BAIAP2: variants seen among roughly 807,000 people sequenced by gnomAD.
BAIAP2 encodes the protein BAR/IMD domain-containing adapter protein 2.
BAIAP2 carries 18 observed loss-of-function variants against 63.0 expected under a neutral mutation model. That is an observed-to-expected ratio of 0.29 (90% confidence interval 0.20 to 0.42). The LOEUF is 0.42. BAIAP2 is among the 10% of genes least tolerant of loss of function. The probability of loss-of-function intolerance (pLI) is 1.00; values close to 1 mark genes in which losing one functional copy is unlikely to be tolerated. For synonymous variants in BAIAP2, 386 were observed against 307.6 expected (o/e 1.25, Z -2.67); for missense variants, 610 against 734.3 (o/e 0.83, Z 1.96).
At chr17:81,110,761 G>A (rs564067971) in intron 13 of BAIAP2, among the ~76,000 whole-genome samples, 20 of 152,326 alleles carry the variant, frequency 1.3e-4, no homozygotes, top group African/African-American at 1.9e-4. Flanking sequence ...CGCAGGCGCC[G>A]TCCAGGGAGA....
In BAIAP2 at chr17:81,035,209, C is replaced by CT. The variant is rs776091937; in HGVS notation, c.-44dup. On this transcript the variant is annotated 5_prime_UTR_variant, in exon 1 of 14. Transcript: ENST00000428708. The stretch of plus-strand genomic sequence containing the variant: ...GCCGTTACCGCCGCTGCTGCCGCCG[C>CT]TTGCGTCCCCCGCTCCGGTCTGTGG... The CT allele has an allele frequency of 2.6e-5, 38 of 1,446,142 alleles. 1 individual carries two copies. The South Asian group carries it at 5.0e-4, about 19-fold the overall frequency. The allele number at this position is 1,446,142 out of a possible 1,614,324, so 89.6% of individuals were successfully genotyped here.
chr17:81,104,245 TGTG>T, intron 9 of BAIAP2, 137 bp downstream of exon 9: 1 of 1,001,208 alleles, frequency 1.0e-6, no homozygotes, highest in Non-Finnish European at 1.5e-6. Context: ...CCTACATGCA[TGTG>T]GTACACACAC....
At position 81,103,356 on chromosome 17, in the gene BAIAP2, G is replaced by A. The variant is rs562521807; in HGVS notation, c.643-146G>A. ...CTGTGGGTTGGGGTCAGAGGCTCACGGGTGGCCTGTCTCGCCGAGAGGTAC... is the reference window on the plus strand; with the variant it reads ...CTGTGGGTTGGGGTCAGAGGCTCACAGGTGGCCTGTCTCGCCGAGAGGTAC... On this transcript the variant is annotated intron_variant, in intron 7 of 13. Transcript: ENST00000428708. 1,413 of 739,920 alleles carry A rather than the reference G, an allele frequency of 1.9e-3. 6 individuals carry two copies. The highest frequency in any genetic ancestry group is 3.3e-3 in the South Asian group (187 of 56,138). The allele number at this position is 739,920 out of a possible 1,614,324, so 45.8% of individuals were successfully genotyped here. A position where few individuals can be genotyped will look rare whatever the true frequency, so the allele number is the denominator to read the frequency against.
chr17:81,088,042 T>C (rs1415555480), intron 6 of BAIAP2, among the ~76,000 whole-genome samples: 5 of 151,468 alleles, frequency 3.3e-5, no homozygotes, highest in Non-Finnish European at 5.9e-5. Context: ...GAGAAATAGG[T>C]ATATGTTGGT....
intron 6 of BAIAP2, among the ~76,000 whole-genome samples, chr17:81,095,031 T>C (rs1173522262): frequency 6.6e-6 from 1 of 152,274 alleles, no homozygotes; most frequent in Non-Finnish European, 1.5e-5. Context: ...AGATGTGTTC[T>C]GATCACTTTT....
intron 3 of BAIAP2, among the ~76,000 whole-genome samples, chr17:81,067,814 C>A (rs917078279): frequency 9.9e-5 from 15 of 152,238 alleles, no homozygotes; most frequent in Admixed American, 9.8e-4. Flanking sequence ...GCTGGTCTCT[C>A]CCCTGAGATG....
In BAIAP2 at chr17:81,046,556, A is replaced by G. The variant is rs1242986123; in HGVS notation, c.55-7112A>G. Among the ~76,000 whole-genome samples, 1 of 151,612 alleles carries G rather than the reference A, an allele frequency of 6.6e-6. No homozygotes were observed. The highest frequency in any genetic ancestry group is 2.4e-5 in the African/African-American group (1 of 41,220). On this transcript the variant is annotated intron_variant, in intron 1 of 13. Coordinates refer to ENST00000428708, the MANE Select transcript of BAIAP2 (RefSeq NM_001144888.2). This position sits in a 1 kb window ranked among gnomAD's most constrained non-coding sequence, Gnocchi z 4.5. ...CATCGGTGCTCCTGTGTGTGGGGTC[A>G]GCAGTGGCCCGCCCTGGAGGACGCT...
chr17:81,037,148 A>G (rs1389566488), intron 1 of BAIAP2, among the ~76,000 whole-genome samples: 4 of 152,246 alleles, frequency 2.6e-5, no homozygotes, highest in African/African-American at 9.6e-5. Context: ...CTGTGGACGC[A>G]GACCAGCTGG....
intron 6 of BAIAP2, among the ~76,000 whole-genome samples, chr17:81,092,590 G>T (rs111269920): frequency 6.6e-6 from 1 of 152,328 alleles, no homozygotes; most frequent in Non-Finnish European, 1.5e-5. Flanking sequence ...TCCATGAAAA[G>T]AAGTAATTTT....
chr17:81,102,359 G>C (rs1268749622), intron 7 of BAIAP2, among the ~76,000 whole-genome samples: 2 of 152,108 alleles, frequency 1.3e-5, no homozygotes, highest in East Asian at 3.9e-4. Context: ...GGTCCCTGCT[G>C]GCCTCTCCGC....
At chr17:81,098,246 T>C in intron 6 of BAIAP2, 1 of 1,256,026 alleles carries the variant, frequency 8.0e-7, no homozygotes, top group African/African-American at 1.5e-5. Flanking sequence ...GAGGCGCCTC[T>C]GCCCAGGATG....
At chr17:81,076,175 C>A (rs1439010010) in intron 3 of BAIAP2, 1 of 152,246 alleles carries the variant, frequency 6.6e-6, no homozygotes, top group Non-Finnish European at 1.5e-5. Context: ...CTTCCAGAAT[C>A]AATCCCTGTT....
In BAIAP2 at chr17:81,109,002, C is replaced by T. The variant is rs554536084; in HGVS notation, c.1535+493C>T. On this transcript the variant is annotated intron_variant, in intron 13 of 13. Coordinates refer to ENST00000428708, the MANE Select transcript of BAIAP2 (RefSeq NM_001144888.2). ...CACGCTGGTGTCCACAGTGTGAGGACGCTGACCCCGGGCAGCCGCTGCTCT... is the reference window on the plus strand; with the variant it reads ...CACGCTGGTGTCCACAGTGTGAGGATGCTGACCCCGGGCAGCCGCTGCTCT... The T allele has an allele frequency of 5.4e-5, 83 of 1,546,750 alleles. No homozygotes were observed. The East Asian group carries it at 7.1e-4, about 13-fold the overall frequency.
In BAIAP2 at chr17:81,099,286, T is replaced by TTAGC. The variant is rs1294142101; in HGVS notation, c.490-641_490-638dup. Among the ~76,000 whole-genome samples the TTAGC allele has an allele frequency of 2.0e-5, 3 of 151,726 alleles. No individual in the cohort carries two copies. The East Asian group carries it at 5.8e-4, about 29-fold the overall frequency. On this transcript the variant is annotated intron_variant, in intron 6 of 13. Transcript: ENST00000428708. Reference sequence around the variant, plus strand: ...TCCGGAAACCAGGCAGCCAGGTGTCTTAGCGTCCCGCTCCCCGTCATTCAG... The same window carrying TTAGC: ...TCCGGAAACCAGGCAGCCAGGTGTCTTAGCTAGCGTCCCGCTCCCCGTCATTCAG...
intron 7 of BAIAP2, among the ~76,000 whole-genome samples, chr17:81,100,410 G>A (rs2058329159): frequency 6.6e-6 from 1 of 152,170 alleles, no homozygotes. Context: ...CGCCAGGCAG[G>A]GGACGGTCAT....
At chr17:81,079,236 C>G (rs2054198590) in intron 3 of BAIAP2, among the ~76,000 whole-genome samples, 1 of 152,284 alleles carries the variant, frequency 6.6e-6, no homozygotes, top group African/African-American at 2.4e-5. Flanking sequence ...GCAGCCCTGT[C>G]CCCATCAGCT....
intron 3 of BAIAP2, chr17:81,084,024 G>A (rs1174853857): frequency 2.0e-5 from 3 of 152,232 alleles, no homozygotes; most frequent in South Asian, 2.1e-4. Context: ...GACTTGAGCC[G>A]GGTCTCGTTG....
intron 1 of BAIAP2, among the ~76,000 whole-genome samples, chr17:81,051,476 C>G (rs932953410): frequency 2.6e-5 from 4 of 151,996 alleles, no homozygotes; most frequent in Non-Finnish European, 5.9e-5. Flanking sequence ...CTCAGCTCAC[C>G]ACAATTTCCG....
intron 7 of BAIAP2, among the ~76,000 whole-genome samples, chr17:81,100,976 C>T (rs1194494345): frequency 1.3e-5 from 2 of 152,178 alleles, no homozygotes. Flanking sequence ...AGAGACCCCT[C>T]TGCCCGTCAT....
Sources: gnomAD v4.1 joint callset for allele counts (sites outside exome capture counted in the v4.1 genomes callset) on GRCh38, gnomAD v4.1.1 for gene constraint, Gnocchi (gnomAD v3.1) non-coding constraint, MANE v1.5 for transcripts, NCBI Gene and HGNC (gene_info 2026-07-23, HGNC 2026-07-21) for gene names.